SYN3: variants seen among roughly 807,000 people sequenced by gnomAD.
SYN3 encodes the protein synapsin-3.
A neutral mutation model predicts 65.8 loss-of-function variants in SYN3; 35 were observed. The observed-to-expected ratio is 0.53, with a 90% CI of 0.41 to 0.70. The LOEUF (loss-of-function observed/expected upper bound fraction) is 0.70. SYN3 is among the 30% of genes least tolerant of loss of function. SYN3 has a pLI of 0.00. For synonymous variants in SYN3, 270 were observed against 292.9 expected (o/e 0.92, Z 0.80); for missense variants, 680 against 749.0 (o/e 0.91, Z 1.08).
At chr22:32,525,149 T>C (rs993465048) in intron 12 of SYN3, among the ~76,000 whole-genome samples, 3 of 152,238 alleles carry the variant, frequency 2.0e-5, no homozygotes, top group Non-Finnish European at 2.9e-5. Flanking sequence ...TTGGGATTCA[T>C]AGGAGGAGAT....
At chr22:33,011,622 T>C (rs1208827436) in intron 1 of SYN3, among the ~76,000 whole-genome samples, 2 of 152,178 alleles carry the variant, frequency 1.3e-5, no homozygotes, top group Non-Finnish European at 2.9e-5. Context: ...TCCTTTTCTA[T>C]TTTCTGAAAG....
chr22:32,807,319 A>G (rs1426563240), intron 6 of SYN3, among the ~76,000 whole-genome samples: 1 of 106,044 alleles, frequency 9.4e-6, no homozygotes, highest in Non-Finnish European at 1.8e-5. Flanking sequence ...TATATAATAT[A>G]TAAATATATA....
At chr22:32,864,803 TG>T in intron 6 of SYN3, 111 bp downstream of exon 6, 2 of 937,376 alleles carry the variant, frequency 2.1e-6, no homozygotes, top group Non-Finnish European at 3.4e-6. Context: ...AGAGTCTGCG[TG>T]GTCAGTGTAC....
At chr22:32,631,249 C>T in intron 6 of SYN3, among the ~76,000 whole-genome samples, 1 of 150,130 alleles carries the variant, frequency 6.7e-6, no homozygotes, top group African/African-American at 2.5e-5. Context: ...GAGCCAAGAT[C>T]ATGCCACTGC....
intron 1 of SYN3, among the ~76,000 whole-genome samples, chr22:33,009,763 CACACACACA>C (rs2053302711): frequency 8.6e-6 from 1 of 116,836 alleles, no homozygotes; most frequent in Non-Finnish European, 1.9e-5. Context: ...CACACACACA[CACACACACA>C]CACACACACA....
At chr22:32,741,125 C>A (rs1161481809) in intron 6 of SYN3, among the ~76,000 whole-genome samples, 1 of 152,146 alleles carries the variant, frequency 6.6e-6, no homozygotes, top group Non-Finnish European at 1.5e-5. Flanking sequence ...CCCCAAAACA[C>A]TGGGAGATGC....
At chr22:32,591,207 T>A (rs1232345171) in intron 7 of SYN3, among the ~76,000 whole-genome samples, 84 of 151,936 alleles carry the variant, frequency 5.5e-4, no homozygotes, top group Non-Finnish European at 2.9e-5. Flanking sequence ...ACAATCTGCT[T>A]CCAAAGACGG....
intron 7 of SYN3, among the ~76,000 whole-genome samples, chr22:32,551,622 T>C (rs549262084): frequency 1.3e-5 from 2 of 152,042 alleles, no homozygotes; most frequent in South Asian, 2.1e-4. Flanking sequence ...CTGCATACAA[T>C]GGAACACATC....
chr22:32,930,986 T>G (rs1369617002), intron 4 of SYN3: 1 of 159,934 alleles, frequency 6.3e-6, no homozygotes, highest in East Asian at 1.7e-4. Flanking sequence ...CTAATAAACC[T>G]TCCATTCGTA....
chr22:32,602,650 C>T (rs147797333), intron 6 of SYN3, among the ~76,000 whole-genome samples: 107 of 152,092 alleles, frequency 7.0e-4, no homozygotes, highest in Middle Eastern at 3.4e-3. Context: ...TTAGTAGAGA[C>T]GGGGTTTCAC....
intron 6 of SYN3, among the ~76,000 whole-genome samples, chr22:32,692,732 T>C (rs1397287884): frequency 2.7e-5 from 4 of 150,044 alleles, no homozygotes; most frequent in Non-Finnish European, 4.4e-5. Context: ...AATTAGTTCC[T>C]CTCTCCCATC....
At chr22:33,051,151 C>T (rs2054158692) in intron 1 of SYN3, among the ~76,000 whole-genome samples, 3 of 152,270 alleles carry the variant, frequency 2.0e-5, no homozygotes, top group Middle Eastern at 3.4e-3. Flanking sequence ...CAAGGACCTA[C>T]ATCAGCAAGC....
In SYN3 at chr22:32,724,243, C is replaced by CTGTTT. The variant is rs10533121; in HGVS notation, c.712-127512_712-127508dup. Among the ~76,000 whole-genome samples the CTGTTT allele has an allele frequency of 2.0e-3, 304 of 151,430 alleles. 1 individual carries two copies. Among genetic ancestry groups the CTGTTT allele is most frequent in the South Asian group, 4.0e-3 (19 of 4,788 alleles). ...ACCTCTTCCAATATAGGGTACTTTT[C>CTGTTT]TGTTTTGTTTTGTTTTGTTTTGTTT... On this transcript the variant is annotated intron_variant, in intron 6 of 13. Coordinates refer to ENST00000358763, the MANE Select transcript of SYN3 (RefSeq NM_003490.4).
At chr22:32,868,694 G>GC (rs1438264662) in intron 5 of SYN3, among the ~76,000 whole-genome samples, 2 of 151,926 alleles carry the variant, frequency 1.3e-5, no homozygotes, top group African/African-American at 4.8e-5. Flanking sequence ...CAGGTGATCC[G>GC]CCTGTCTTGG....
At chr22:32,995,258 T>A (rs920498123) in intron 2 of SYN3, among the ~76,000 whole-genome samples, 1 of 152,206 alleles carries the variant, frequency 6.6e-6, no homozygotes, top group African/African-American at 2.4e-5. Flanking sequence ...GGCCCCGTGG[T>A]AGCAGAGCCA....
intron 4 of SYN3, among the ~76,000 whole-genome samples, chr22:32,891,740 G>A (rs761085302): frequency 1.3e-5 from 2 of 151,998 alleles, no homozygotes; most frequent in African/African-American, 2.4e-5. Flanking sequence ...GGCAGCAGGT[G>A]CTCAATACAT....
chr22:32,644,073 CAAA>C (rs1175308291), intron 6 of SYN3, among the ~76,000 whole-genome samples: 14 of 3,910 alleles, frequency 3.6e-3, no homozygotes, highest in African/African-American at 6.8e-3. Flanking sequence ...GACTCTGCCT[CAAA>C]AAAAAAAAAA....
At chr22:32,926,395 T>C (rs2050471760) in intron 4 of SYN3, among the ~76,000 whole-genome samples, 1 of 152,254 alleles carries the variant, frequency 6.6e-6, no homozygotes, top group African/African-American at 2.4e-5. Context: ...TGTCTCCTTA[T>C]AGTTTTGTCC....
rs547107841 is a variant in SYN3, at chr22:32,508,012, G to A, written c.*5680C>T. 4.3e-4 allele frequency among the ~76,000 whole-genome samples: 66 copies of A among 151,732 alleles called. 1 individual carries two copies. The South Asian group carries it at 0.012, about 28-fold the overall frequency. On this transcript the variant is annotated 3_prime_UTR_variant, in exon 14 of 14. Coordinates refer to ENST00000358763, the MANE Select transcript of SYN3 (RefSeq NM_003490.4). Reference sequence around the variant, plus strand: ...ATACCACCCCCCAAAAATTTTCGTCGCCCCAACACTTCAACACTATTTTGT... The same window carrying A: ...ATACCACCCCCCAAAAATTTTCGTCACCCCAACACTTCAACACTATTTTGT...
Sources: allele counts gnomAD v4.1 joint callset (sites outside exome capture counted in the v4.1 genomes callset), GRCh38; gene constraint gnomAD v4.1.1; transcripts MANE v1.5; gene names NCBI Gene and HGNC (gene_info 2026-07-23, HGNC 2026-07-21).